Variants in TBC1D19 observed in about 807,000 individuals in gnomAD.
The protein encoded by TBC1D19 is TBC1 domain family, member 19.
In TBC1D19, 60 loss-of-function variants were observed where a neutral mutation model predicts 89.0. The observed-to-expected ratio is 0.67, with a 90% confidence interval of 0.55 to 0.84. The LOEUF (loss-of-function observed/expected upper bound fraction) is 0.84. TBC1D19 is among the 40% of genes least tolerant of loss of function. The pLI, the probability that TBC1D19 is intolerant of heterozygous loss-of-function variation, is 0.00. For missense variants in TBC1D19, 500 were observed against 610.8 expected, an observed-to-expected ratio of 0.82 and a Z score of 1.91; for synonymous variants, 189 against 199.7, an observed-to-expected ratio of 0.95 and a Z score of 0.45.
chr4:26,671,114 T>C (rs1284413346), intron 9 of TBC1D19, among the ~76,000 whole-genome samples: 1 of 151,750 alleles, frequency 6.6e-6, no homozygotes, highest in East Asian at 1.9e-4. Context: ...TTAGTAGCTA[T>C]TGCTGGACAC....
intron 9 of TBC1D19, among the ~76,000 whole-genome samples, chr4:26,670,657 G>A (rs1424638159): frequency 7.2e-5 from 11 of 151,726 alleles, no homozygotes; most frequent in African/African-American, 2.2e-4. Context: ...ACACACTTGC[G>A]TAACCTCCAG....
At chr4:26,700,512 T>G (rs903894495) in intron 13 of TBC1D19, among the ~76,000 whole-genome samples, 4 of 152,182 alleles carry the variant, frequency 2.6e-5, no homozygotes. Flanking sequence ...GAGTTTAGAC[T>G]AAACTGTCTT....
the TBC1D19 span, among the ~76,000 whole-genome samples, chr4:26,769,326 A>G: frequency 2.0e-5 from 3 of 152,060 alleles, no homozygotes; most frequent in South Asian, 6.2e-4. Flanking sequence ...AAATGGCTCT[A>G]AAAGGAAATG....
rs202039207 is a variant in TBC1D19, at chr4:26,659,729, T to C, written c.591+22T>C. On this transcript the variant is annotated intron_variant, in intron 8 of 20. Coordinates refer to ENST00000264866, the MANE Select transcript of TBC1D19 (RefSeq NM_018317.4). Reference sequence around the variant, plus strand: ...ATTGGTAAGTATAGAAACTTAAAAATAAACATCATTTAGAAGATAACCATT... The same window carrying C: ...ATTGGTAAGTATAGAAACTTAAAAACAAACATCATTTAGAAGATAACCATT... The C allele has an allele frequency of 1.8e-5, 26 of 1,453,692 alleles. No homozygotes were observed. In the East Asian group the frequency reaches 6.0e-4, roughly 34 times the overall value. The allele number at this position is 1,453,692 out of a possible 1,614,324, so 90.0% of individuals were successfully genotyped here.
intron 13 of TBC1D19, among the ~76,000 whole-genome samples, chr4:26,690,999 G>A (rs931423250): frequency 2.0e-5 from 3 of 152,200 alleles, no homozygotes; most frequent in Non-Finnish European, 4.4e-5. Context: ...GAACATTTGT[G>A]ATTCATGAGA....
At chr4:26,705,204 T>C (rs922016002) in intron 13 of TBC1D19, among the ~76,000 whole-genome samples, 2 of 152,220 alleles carry the variant, frequency 1.3e-5, no homozygotes, top group African/African-American at 4.8e-5. Flanking sequence ...AAAATGTGAT[T>C]TGTAAATATT....
intron 1 of TBC1D19, among the ~76,000 whole-genome samples, chr4:26,587,059 G>A (rs1392070557): frequency 6.6e-6 from 1 of 152,112 alleles, no homozygotes; most frequent in Admixed American, 6.5e-5. Flanking sequence ...ATCATGAATG[G>A]ATGTTGAACT....
At chr4:26,742,391 A>C in intron 17 of TBC1D19, 117 bp from the exon 18 acceptor site, 1 of 795,608 alleles carries the variant, frequency 1.3e-6, no homozygotes, top group Non-Finnish European at 1.9e-6. Context: ...ACTCTTAAAC[A>C]GTATAAAGAA....
chr4:26,673,444 T>TACACACACACACACACACACAC (rs149722432), intron 10 of TBC1D19, among the ~76,000 whole-genome samples: 61 of 78,348 alleles, frequency 7.8e-4, no homozygotes, highest in African/African-American at 3.0e-3. Context: ...TATATATATA[T>TACACACACACACACACACACAC]ATACACACAC....
chr4:26,768,225 A>G, the TBC1D19 span, among the ~76,000 whole-genome samples: 7 of 152,324 alleles, frequency 4.6e-5, no homozygotes, highest in East Asian at 1.9e-4. Context: ...TCCTACCAGC[A>G]TTCATGGGTA....
intron 12 of TBC1D19, among the ~76,000 whole-genome samples, chr4:26,687,569 C>T (rs1275353991): frequency 6.6e-6 from 1 of 152,038 alleles, no homozygotes; most frequent in Non-Finnish European, 1.5e-5. Flanking sequence ...TACCTATATA[C>T]TTATGAATTA....
intron 1 of TBC1D19, among the ~76,000 whole-genome samples, chr4:26,594,628 G>A (rs995778301): frequency 6.6e-6 from 1 of 152,072 alleles, no homozygotes; most frequent in Non-Finnish European, 1.5e-5. Flanking sequence ...TCAATTAATT[G>A]AATAACTGTC....
chr4:26,720,742 C>T (rs1716918453), intron 15 of TBC1D19, among the ~76,000 whole-genome samples: 1 of 152,058 alleles, frequency 6.6e-6, no homozygotes, highest in East Asian at 1.9e-4. Flanking sequence ...GAGTTAAGAA[C>T]ATGGGTTTTG....
upstream of TBC1D19, among the ~76,000 whole-genome samples, chr4:26,581,402 T>G (rs1739059677): frequency 6.6e-6 from 1 of 152,018 alleles, no homozygotes; most frequent in African/African-American, 2.4e-5. Flanking sequence ...CAGGCCCTGG[T>G]GTGTGATGTT....
chr4:26,638,626 AC>A (rs1362904258), intron 5 of TBC1D19, 144 bp from the exon 6 acceptor site: 2 of 624,532 alleles, frequency 3.2e-6, no homozygotes, highest in African/African-American at 1.9e-5. Flanking sequence ...AAATGCAGTT[AC>A]CCCCCAAATT....
At chr4:26,813,885 TG>T in the TBC1D19 span, among the ~76,000 whole-genome samples, 1 of 152,140 alleles carries the variant, frequency 6.6e-6, no homozygotes, top group African/African-American at 2.4e-5. Context: ...AACGGTAAGC[TG>T]GGGTGTTTCC....
chr4:26,620,637 T>A lies in TBC1D19; in HGVS notation c.243T>A (p.Ala81=). The A allele has an allele frequency of 6.2e-7, 1 of 1,613,852 alleles. No individual in the cohort carries two copies. Among genetic ancestry groups the A allele is most frequent in the South Asian group, 1.1e-5 (1 of 91,048 alleles). ...GGTTTCCTTTACCTAGTCATCCTGC[T>A]GCACCTCCTGAACATCTTAAAGAAC... ...LSVFPLPSHP[A]APPEHLKEPL... is the part of the protein sequence containing the mutation. Residue 81 remains alanine (A), a synonymous_variant, in exon 4 of 21, where the codon GCT becomes GCA. Coordinates refer to ENST00000264866, the MANE Select transcript of TBC1D19 (RefSeq NM_018317.4).
intron 4 of TBC1D19, among the ~76,000 whole-genome samples, chr4:26,628,231 G>A (rs1244356059): frequency 6.6e-6 from 1 of 152,102 alleles, no homozygotes; most frequent in Non-Finnish European, 1.5e-5. Context: ...GCCCTGTTCT[G>A]TTCCATCGAT....
rs184924817 is a variant in TBC1D19, at chr4:26,652,311, T to C, written c.481-7286T>C. ...TGGTACCAGCTCCTCTTTGTACCTC[T>C]GGTAGAATTTGGCTGTGAATCCATC... On this transcript the variant is annotated intron_variant, in intron 7 of 20. Transcript: ENST00000264866. Among the ~76,000 whole-genome samples, 703 of 152,344 alleles carry C rather than the reference T, an allele frequency of 4.6e-3. 11 individuals carry two copies. The highest frequency in any genetic ancestry group is 0.016 in the African/African-American group (661 of 41,594).
Sources: gnomAD v4.1 joint callset for allele counts (sites outside exome capture counted in the v4.1 genomes callset) on GRCh38, gnomAD v4.1.1 for gene constraint, MANE v1.5 for transcripts, NCBI Gene and HGNC (gene_info 2026-07-23, HGNC 2026-07-21) for gene names.